Variants in SEMA5A observed in about 807,000 individuals in gnomAD.
SEMA5A encodes the protein semaphorin-5A.
Under a neutral mutation model 135.5 loss-of-function variants are expected in SEMA5A, and 55 were observed. The ratio of observed to expected loss-of-function variants is 0.41; its 90% CI spans 0.33 to 0.51. The LOEUF is 0.51. SEMA5A is among the 20% of genes least tolerant of loss of function. The probability of loss-of-function intolerance (pLI) is 0.37; values close to 1 mark genes in which losing one functional copy is unlikely to be tolerated. For missense variants in SEMA5A, 1,290 were observed against 1,419.9 expected (o/e 0.91, Z 1.47); for synonymous variants, 580 against 546.5 (o/e 1.06, Z -0.85).
intron 15 of SEMA5A, among the ~76,000 whole-genome samples, chr5:9,109,792 T>C (rs917558281): frequency 1.2e-4 from 18 of 152,314 alleles, no homozygotes; most frequent in African/African-American, 4.3e-4. Context: ...TGTGCAAAAC[T>C]ATCTTAATAC....
chr5:9,063,876 C>T (rs1045538126), intron 17 of SEMA5A, among the ~76,000 whole-genome samples: 7 of 152,214 alleles, frequency 4.6e-5, no homozygotes, highest in African/African-American at 1.7e-4. Flanking sequence ...AGCACTTTCA[C>T]TTGTTAAGTC....
intron 1 of SEMA5A, among the ~76,000 whole-genome samples, chr5:9,492,797 A>G (rs773148941): frequency 1.3e-5 from 2 of 152,174 alleles, no homozygotes; most frequent in Non-Finnish European, 2.9e-5. Flanking sequence ...TTCCAAATAT[A>G]TGACATTCTA....
intron 4 of SEMA5A, among the ~76,000 whole-genome samples, chr5:9,329,715 T>C (rs1265281927): frequency 6.6e-6 from 1 of 152,204 alleles, no homozygotes; most frequent in East Asian, 1.9e-4. Context: ...TCATGGGATC[T>C]GGGAAATAGG....
chr5:9,465,074 TCTGGATC>T (rs57363153), intron 1 of SEMA5A, among the ~76,000 whole-genome samples: 43,693 of 151,854 alleles, frequency 0.29, 6,606 homozygotes, highest in East Asian at 0.52. Flanking sequence ...CATTCTGGAT[TCTGGATC>T]CTGGATCCCC....
intron 16 of SEMA5A, among the ~76,000 whole-genome samples, chr5:9,102,807 G>GT: frequency 6.6e-6 from 1 of 152,296 alleles, no homozygotes; most frequent in East Asian, 1.9e-4. Context: ...AATCAGAGCA[G>GT]TAATATTAGG....
At chr5:9,313,992 T>C (rs537208530) in intron 5 of SEMA5A, among the ~76,000 whole-genome samples, 18 of 152,202 alleles carry the variant, frequency 1.2e-4, no homozygotes, top group Non-Finnish European at 2.6e-4. Flanking sequence ...GACCCAAGGA[T>C]GCCTTGTCTA....
At chr5:9,293,369 G>A (rs1489716566) in intron 5 of SEMA5A, among the ~76,000 whole-genome samples, 2 of 152,128 alleles carry the variant, frequency 1.3e-5, no homozygotes, top group African/African-American at 4.8e-5. Context: ...TACTTCTTAA[G>A]GGTTTAAGAA....
chr5:9,537,865 G>A (rs1737853286), intron 1 of SEMA5A, among the ~76,000 whole-genome samples: 1 of 152,228 alleles, frequency 6.6e-6, no homozygotes, highest in African/African-American at 2.4e-5. Context: ...AAATGCATAT[G>A]AGTGCTAAAG....
intron 4 of SEMA5A, among the ~76,000 whole-genome samples, chr5:9,330,868 G>A (rs1392013031): frequency 6.6e-6 from 1 of 152,136 alleles, no homozygotes; most frequent in African/African-American, 2.4e-5. Flanking sequence ...AGATTTGATT[G>A]GAAGAGGACA....
intron 5 of SEMA5A, among the ~76,000 whole-genome samples, chr5:9,291,091 T>C (rs1481514310): frequency 6.6e-6 from 1 of 152,174 alleles, no homozygotes; most frequent in Non-Finnish European, 1.5e-5. Context: ...CCATTTTCTT[T>C]CCATCCGTCT....
chr5:9,346,906 G>A (rs1197980907), intron 3 of SEMA5A, among the ~76,000 whole-genome samples: 1 of 136,910 alleles, frequency 7.3e-6, no homozygotes, highest in Admixed American at 7.6e-5. Flanking sequence ...GTGTGTGTGT[G>A]TGTGTGTGTA....
intron 11 of SEMA5A, among the ~76,000 whole-genome samples, chr5:9,178,416 C>A (rs2150321163): frequency 6.7e-6 from 1 of 149,920 alleles, no homozygotes; most frequent in East Asian, 2.0e-4. Context: ...CACTGCAACT[C>A]CATCTCCCGG....
chr5:9,417,830 C>G (rs1757331699), intron 2 of SEMA5A, among the ~76,000 whole-genome samples: 1 of 152,158 alleles, frequency 6.6e-6, no homozygotes, highest in Non-Finnish European at 1.5e-5. Flanking sequence ...ATGTATTTCC[C>G]TCTGTTTAGA....
chr5:9,390,841 T>C (rs944421835), intron 2 of SEMA5A: 1 of 152,258 alleles, frequency 6.6e-6, no homozygotes, highest in Middle Eastern at 3.4e-3. Flanking sequence ...ATGCAAAAAA[T>C]CCAAAGTAGG....
At chr5:9,117,571 A>T (rs1364238080) in intron 15 of SEMA5A, among the ~76,000 whole-genome samples, 1 of 152,320 alleles carries the variant, frequency 6.6e-6, no homozygotes, top group East Asian at 1.9e-4. Flanking sequence ...ATTTTAAATA[A>T]TTTTTTGCAT....
At chr5:9,340,928 T>A (rs1753619920) in intron 3 of SEMA5A, among the ~76,000 whole-genome samples, 1 of 152,076 alleles carries the variant, frequency 6.6e-6, no homozygotes. Context: ...AGGCACTCAA[T>A]CCTCTTTTCA....
chr5:9,277,771 C>G (rs972411965), intron 5 of SEMA5A, among the ~76,000 whole-genome samples: 17 of 152,000 alleles, frequency 1.1e-4, no homozygotes, highest in African/African-American at 4.1e-4. Context: ...ACAATGAGAA[C>G]ACATGGACAC....
chr5:9,077,640 G>C (rs193121024), intron 16 of SEMA5A, among the ~76,000 whole-genome samples: 1 of 152,220 alleles, frequency 6.6e-6, no homozygotes, highest in African/African-American at 2.4e-5. Flanking sequence ...TTGCAAGGCG[G>C]TCTCCCAAGC....
In SEMA5A at chr5:9,329,949, ATT is replaced by A. The variant is rs1394133417; in HGVS notation, c.224+7762_224+7763del. On this transcript the variant is annotated intron_variant, in intron 4 of 22. Coordinates refer to ENST00000382496, the MANE Select transcript of SEMA5A (RefSeq NM_003966.3). ...TAAATGTAAATAGTCGTTATGCCAT[ATT>A]GTTTTTATTGGTATCATTTTTATTG... is the stretch of plus-strand genomic sequence containing the variant. 8.5e-5 allele frequency among the ~76,000 whole-genome samples: 13 copies of A among 152,076 alleles called. No individual in the cohort carries two copies. The East Asian group carries it at 2.5e-3, about 29-fold the overall frequency.
Sources: gnomAD v4.1 joint callset for allele counts (sites outside exome capture counted in the v4.1 genomes callset) on GRCh38, gnomAD v4.1.1 for gene constraint, MANE v1.5 for transcripts, NCBI Gene and HGNC (gene_info 2026-07-23, HGNC 2026-07-21) for gene names.